The following HDAC4 variants were observed in gnomAD, a reference collection of about 807,000 sequenced individuals.
HDAC4 encodes the protein histone deacetylase A.
In HDAC4, 16 loss-of-function variants were observed where a neutral mutation model predicts 135.1. The ratio of observed to expected loss-of-function variants is 0.12; its 90% CI spans 0.08 to 0.18. The LOEUF (loss-of-function observed/expected upper bound fraction) is 0.18. HDAC4 is among the 10% of genes least tolerant of loss of function. The pLI, the probability that HDAC4 is intolerant of heterozygous loss-of-function variation, is 1.00. For synonymous variants in HDAC4, 685 were observed against 653.4 expected (o/e 1.05, Z -0.74); for missense variants, 1,143 against 1,511.8 (o/e 0.76, Z 4.05).
At chr2:239,103,945 T>C (rs1355252947) in intron 15 of HDAC4, among the ~76,000 whole-genome samples, 2 of 152,242 alleles carry the variant, frequency 1.3e-5, no homozygotes, top group African/African-American at 4.8e-5. Context: ...AGAGGGCAGG[T>C]GCGCTGGGCA....
At position 239,282,796 on chromosome 2, in the gene HDAC4, A is replaced by C. The variant is rs113309724; in HGVS notation, c.23-46132T>G. ...ACAATGTACACACCCCTCTACACAC[A>C]ATGTACACACCACTCTACACACAAT... On this transcript the variant is annotated intron_variant, in intron 2 of 26. Coordinates refer to ENST00000543185, the MANE Select transcript of HDAC4 (RefSeq NM_001378414.1). Among the ~76,000 whole-genome samples the C allele has an allele frequency of 6.7e-4, 101 of 151,552 alleles. 1 individual carries two copies. Among genetic ancestry groups the C allele is most frequent in the African/African-American group, 2.4e-3 (99 of 41,300 alleles).
intron 12 of HDAC4, among the ~76,000 whole-genome samples, chr2:239,119,478 TGCGGGGACCAGAGCTCAGGGCTGAGGGC>T (rs976371151): frequency 2.5e-4 from 37 of 150,338 alleles, no homozygotes; most frequent in Non-Finnish European, 3.9e-4. Context: ...GGGCTAAGGG[TGCGGGGACCAGAGCTCAGGGCTGAGGGC>T]GCGGGGACCA....
intron 12 of HDAC4, among the ~76,000 whole-genome samples, chr2:239,116,640 T>C (rs1031258457): frequency 7.2e-5 from 11 of 152,220 alleles, no homozygotes; most frequent in Admixed American, 5.9e-4. Flanking sequence ...AACGGGCCAG[T>C]GGACCTGGTC....
chr2:239,235,901 TG>T (rs1473112295), intron 3 of HDAC4, among the ~76,000 whole-genome samples: 2 of 152,008 alleles, frequency 1.3e-5, no homozygotes, highest in African/African-American at 4.8e-5. Context: ...TAGCCAGGTG[TG>T]GTGGCACACA....
chr2:239,352,240 G>A lies in HDAC4; in HGVS notation c.22+438C>T, dbSNP rs1559379668. On this transcript the variant is annotated intron_variant, in intron 2 of 26. Transcript: ENST00000543185. The surrounding 1 kb of genome is among the most constrained non-coding windows in gnomAD (Gnocchi z 4.4). Reference sequence around the variant, plus strand: ...CCCTCAAACACCAGGAGCAACTGTGGCCACGACCTCAGTGGGAACATGAGC... The same window carrying A: ...CCCTCAAACACCAGGAGCAACTGTGACCACGACCTCAGTGGGAACATGAGC... 6.6e-6 allele frequency among the ~76,000 whole-genome samples: 1 copy of A among 152,120 alleles called. No homozygotes were observed. Among genetic ancestry groups the A allele is most frequent in the Non-Finnish European group, 1.5e-5 (1 of 68,020 alleles).
chr2:239,142,867 G>A (rs896243824), intron 8 of HDAC4, among the ~76,000 whole-genome samples: 1 of 137,912 alleles, frequency 7.3e-6, no homozygotes, highest in Non-Finnish European at 1.5e-5. Flanking sequence ...CACTGATCAC[G>A]CCCTGCCGCA....
chr2:239,357,715 C>G (rs1213503799), intron 1 of HDAC4, among the ~76,000 whole-genome samples: 14 of 144,186 alleles, frequency 9.7e-5, no homozygotes. Context: ...GAAACCCTGT[C>G]TCGACAAAAA....
At position 239,236,481 on chromosome 2, in the gene HDAC4, C is replaced by A. The variant is rs377654685; in HGVS notation, c.94+112G>T. On this transcript the variant is annotated intron_variant, in intron 3 of 26. Transcript: ENST00000543185. ...CACCCAAATTCAGTGAACCTGATAC[C>A]CCACACCTCCCCCCTCGCCCTCTCT... The A allele has an allele frequency of 3.9e-5, 33 of 836,222 alleles. No individual in the cohort carries two copies. The East Asian group carries it at 5.6e-4, about 14-fold the overall frequency. The allele number at this position is 836,222 out of a possible 1,614,324, so 51.8% of individuals were successfully genotyped here.
At chr2:239,093,381 C>T (rs1196772786) in intron 17 of HDAC4, among the ~76,000 whole-genome samples, 2 of 152,194 alleles carry the variant, frequency 1.3e-5, no homozygotes, top group African/African-American at 4.8e-5. Flanking sequence ...GTCTACTTTG[C>T]TCCTCCTGAC....
At chr2:239,127,672 C>A (rs1460794485) in intron 11 of HDAC4, among the ~76,000 whole-genome samples, 2 of 152,248 alleles carry the variant, frequency 1.3e-5, no homozygotes, top group Non-Finnish European at 2.9e-5. Context: ...GTAACCACAC[C>A]AGCTCTTGGA....
At chr2:239,140,376 A>G (rs879386385) in intron 8 of HDAC4, among the ~76,000 whole-genome samples, 1 of 152,084 alleles carries the variant, frequency 6.6e-6, no homozygotes, top group African/African-American at 2.4e-5. Context: ...GACCCTGGTT[A>G]ATGAGACCAG....
At chr2:239,094,337 T>C (rs1002841027) in intron 17 of HDAC4, 1 of 985,480 alleles carries the variant, frequency 1.0e-6, no homozygotes, top group African/African-American at 1.7e-5. Flanking sequence ...CCTTCCTGTG[T>C]GGACGGATGG....
rs1256628577 is a variant in HDAC4, at chr2:239,126,440, G to A, written c.1533+16C>T. ...AGCCGCCCTGGGGCCTGGGAGCGCTGAGCCGGCAAACCCACCTTGTTCATC... is the reference window on the plus strand; with the variant it reads ...AGCCGCCCTGGGGCCTGGGAGCGCTAAGCCGGCAAACCCACCTTGTTCATC... On this transcript the variant is annotated intron_variant, in intron 12 of 26. Transcript: ENST00000543185. 1.2e-6 allele frequency: 2 copies of A among 1,613,358 alleles called. No individual in the cohort carries two copies. Among genetic ancestry groups the A allele is most frequent in the Admixed American group, 1.7e-5 (1 of 60,032 alleles).
intron 7 of HDAC4, among the ~76,000 whole-genome samples, chr2:239,147,168 C>G (rs756886824): frequency 1.8e-4 from 27 of 152,180 alleles, no homozygotes; most frequent in Non-Finnish European, 3.8e-4. Flanking sequence ...AAGGGGGATG[C>G]TGGAGACCAC....
chr2:239,264,758 G>A (rs1309793790), intron 2 of HDAC4, among the ~76,000 whole-genome samples: 1 of 152,228 alleles, frequency 6.6e-6, no homozygotes, highest in African/African-American at 2.4e-5. Flanking sequence ...TGAAAGCCAT[G>A]CCTTGCGGCA....
chr2:239,237,032 G>T (rs2047925629), intron 2 of HDAC4, among the ~76,000 whole-genome samples: 1 of 152,114 alleles, frequency 6.6e-6, no homozygotes, highest in Non-Finnish European at 1.5e-5. Flanking sequence ...CCTCTTCTCA[G>T]ATAGTGACAA....
intron 2 of HDAC4, 27 bp from the exon 3 acceptor site, chr2:239,236,691 C>T (rs2047908065): frequency 6.5e-7 from 1 of 1,533,550 alleles, no homozygotes; most frequent in South Asian, 1.2e-5. Context: ...GCACTGGCTT[C>T]AGAAACTGCG....
At chr2:239,243,773 C>T (rs372949697) in intron 2 of HDAC4, among the ~76,000 whole-genome samples, 3 of 152,202 alleles carry the variant, frequency 2.0e-5, no homozygotes, top group African/African-American at 7.2e-5. Flanking sequence ...TGCCCTACAA[C>T]TAACATCTTC....
At chr2:239,278,069 C>T (rs1412753595) in intron 2 of HDAC4, among the ~76,000 whole-genome samples, 1 of 152,224 alleles carries the variant, frequency 6.6e-6, no homozygotes, top group Admixed American at 6.5e-5. Context: ...GCCGCACACT[C>T]GGCTCCCCGC....
Sources: allele counts gnomAD v4.1 joint callset (sites outside exome capture counted in the v4.1 genomes callset), GRCh38; gene constraint gnomAD v4.1.1; non-coding constraint Gnocchi (gnomAD v3.1); transcripts MANE v1.5; gene names NCBI Gene and HGNC (gene_info 2026-07-23, HGNC 2026-07-21).